SYCE1L: variants seen among roughly 807,000 people sequenced by gnomAD.
The protein encoded by SYCE1L is synaptonemal complex central element protein 1-like.
A neutral mutation model predicts 39.6 loss-of-function variants in SYCE1L; 51 were observed. The ratio of observed to expected loss-of-function variants is 1.29; its 90% CI spans 1.03 to 1.63. The LOEUF (loss-of-function observed/expected upper bound fraction) is 1.63, where lower values mean the gene tolerates loss of function less well. Among genes scored for constraint, SYCE1L ranks in the 40% most tolerant of loss-of-function variants. The pLI, the probability that SYCE1L is intolerant of heterozygous loss-of-function variation, is 0.00. For synonymous variants in SYCE1L, 147 were observed against 122.4 expected, an observed-to-expected ratio of 1.20 and a Z score of -1.33; for missense variants, 426 against 304.9, an observed-to-expected ratio of 1.40 and a Z score of -2.96.
At chr16:77,202,450 T>C (rs1008088577) in intron 1 of SYCE1L, 3 of 152,208 alleles carry the variant, frequency 2.0e-5, no homozygotes, top group African/African-American at 7.2e-5. Flanking sequence ...TGTGTGTGTG[T>C]CAAAATGTTA....
In SYCE1L at chr16:77,199,438, C is replaced by T. The variant is rs757888203; in HGVS notation, c.-14C>T. 3 of 1,551,444 alleles carry T rather than the reference C, an allele frequency of 1.9e-6. No homozygotes were observed. Among genetic ancestry groups the T allele is most frequent in the Middle Eastern group, 1.7e-4 (1 of 5,880 alleles). The stretch of plus-strand genomic sequence containing the variant: ...TCATCAAGCGAGGCTCGCGCGCAGG[C>T]CCCGCGTTGGAAAATGGCGGGGAAG... On this transcript the variant is annotated 5_prime_UTR_variant, in exon 1 of 11. Coordinates refer to ENST00000378644, the MANE Select transcript of SYCE1L (RefSeq NM_001129979.3).
At chr16:77,212,825 C>A (rs2142522938) in intron 10 of SYCE1L, 32 bp from the exon 11 acceptor site, 2 of 1,456,624 alleles carry the variant, frequency 1.4e-6, no homozygotes, top group African/African-American at 1.4e-5. Context: ...AGCGTAGGAA[C>A]CTGGTCCGCA....
chr16:77,199,466 G>C lies in SYCE1L; in HGVS notation c.15G>C (p.Leu5=). 1 of 1,551,490 alleles carries C rather than the reference G, an allele frequency of 6.4e-7. No individual in the cohort carries two copies. Among genetic ancestry groups the C allele is most frequent in the Non-Finnish European group, 8.7e-7 (1 of 1,146,966 alleles). Residue 5 remains leucine (L), a synonymous_variant, in exon 1 of 11, where the codon CTG becomes CTC. Transcript: ENST00000378644. MAGK[L]KPLNVEAPEA... ...CGCGTTGGAAAATGGCGGGGAAGCT[G>C]AAACCTCTGAATGTGGAGGCGCCAG...
At chr16:77,211,943 G>A (rs954421057) in intron 7 of SYCE1L, among the ~76,000 whole-genome samples, 187 bp from the exon 8 acceptor site, 1 of 152,154 alleles carries the variant, frequency 6.6e-6, no homozygotes, top group Non-Finnish European at 1.5e-5. Flanking sequence ...TGGAGACATG[G>A]AGAGCGTTTA....
chr16:77,200,279 T>TAC (rs2142508001), intron 1 of SYCE1L: 1 of 110,008 alleles, frequency 9.1e-6, no homozygotes, highest in African/African-American at 3.1e-5. Flanking sequence ...TATGTGTATA[T>TAC]ATATATATAT....
intron 4 of SYCE1L, 116 bp downstream of exon 4, chr16:77,208,655 T>C: frequency 9.6e-7 from 1 of 1,038,430 alleles, no homozygotes; most frequent in African/African-American, 1.6e-5. Context: ...ATAATCTGTA[T>C]TGCCTTTCAC....
chr16:77,208,473 A>G lies in SYCE1L; in HGVS notation c.190A>G (p.Lys64Glu). The change falls in exon 4 of 11, where the codon AAA (lysine) becomes GAA (glutamate). Residue 64 changes from lysine (K) to glutamate (E), a missense_variant. Lys to Glu is a moderately conservative substitution (Grantham distance 56). Coordinates refer to ENST00000378644, the MANE Select transcript of SYCE1L (RefSeq NM_001129979.3). ...TTCCCTTCTTGGCCCAGCAAAGAAG[A>G]AATCCAGTGAGGAACTGAGAGAGAC... ...RINDLQQAKK[K>E]SSEELRETHS... 1.3e-6 allele frequency: 2 copies of G among 1,551,726 alleles called. No individual in the cohort carries two copies. The highest frequency in any genetic ancestry group is 1.7e-6 in the Non-Finnish European group (2 of 1,147,010).
chr16:77,209,224 A>G (rs1424789878), intron 5 of SYCE1L, 80 bp downstream of exon 5: 6 of 1,486,488 alleles, frequency 4.0e-6, no homozygotes, highest in Admixed American at 2.0e-5. Context: ...AGCCAGAGGA[A>G]TCCCACTGAA....
intron 1 of SYCE1L, among the ~76,000 whole-genome samples, chr16:77,203,321 T>A (rs765827070): frequency 6.6e-6 from 1 of 152,156 alleles, no homozygotes; most frequent in Non-Finnish European, 1.5e-5. Context: ...TCTTCCACAT[T>A]TGTTTATCAT....
chr16:77,212,766 C>A, intron 10 of SYCE1L, 91 bp from the exon 11 acceptor site: 1 of 1,417,688 alleles, frequency 7.1e-7, no homozygotes, highest in Non-Finnish European at 9.2e-7. Flanking sequence ...GCCCCGGGGA[C>A]AGAGGAAGCC....
At chr16:77,210,104 C>A (rs543938354) in intron 6 of SYCE1L, among the ~76,000 whole-genome samples, 46 of 152,360 alleles carry the variant, frequency 3.0e-4, no homozygotes, top group African/African-American at 1.0e-3. Context: ...CTCCAGCCAG[C>A]AACTCACACA....
At chr16:77,200,746 C>CAAAAAAAAA (rs11344903) in intron 1 of SYCE1L, 3 of 84,820 alleles carry the variant, frequency 3.5e-5, no homozygotes, top group Non-Finnish European at 7.0e-5. Context: ...ACAGAGTGAG[C>CAAAAAAAAA]AAAAAAAAAA....
intron 1 of SYCE1L, chr16:77,200,291 T>TATATATACACACAC: frequency 9.0e-6 from 1 of 111,430 alleles, no homozygotes; most frequent in African/African-American, 3.4e-5. Context: ...TATATATATA[T>TATATATACACACAC]ACACACACTA....
chr16:77,202,885 CAT>C (rs1423222251), intron 1 of SYCE1L, among the ~76,000 whole-genome samples: 2 of 152,186 alleles, frequency 1.3e-5, no homozygotes, highest in Non-Finnish European at 2.9e-5. Context: ...TCTCTACTCT[CAT>C]GTGCATTTGA....
Position 77,211,219 on chromosome 16 carries a change from T to C in SYCE1L, c.366T>C (p.Asp122=). ...CCTGGGTGTCGGCCTCCAGGTTGGA[T>C]GTCAGAGGACAGCTGGAGGATCTGA... ...QEKESEAQRL[D]VRGQLEDLMG... The change falls in exon 7 of 11, where the codon GAT becomes GAC. Residue 122 remains aspartate (D), a synonymous_variant. Coordinates refer to ENST00000378644, the MANE Select transcript of SYCE1L (RefSeq NM_001129979.3). The C allele has an allele frequency of 6.4e-7, 1 of 1,551,946 alleles. No individual in the cohort carries two copies.
Position 77,205,433 on chromosome 16 carries a change from A to AATATATATATATATATATATGTATATAT in SYCE1L, c.62-992_62-991insATATGTATATATATATATATATATATAT, listed in dbSNP as rs145238524. ...TCATGTTAAAATATACATAGAAGTAAATATATATATATATATGTATACATA... is the reference window on the plus strand; with the variant it reads ...TCATGTTAAAATATACATAGAAGTAAATATATATATATATATATATGTATATATATATATATATATATATGTATACATA... On this transcript the variant is annotated intron_variant, in intron 1 of 10. Transcript: ENST00000378644. 4.1e-3 allele frequency among the ~76,000 whole-genome samples: 601 copies of AATATATATATATATATATATGTATATAT among 145,246 alleles called. 4 individuals carry two copies. Among genetic ancestry groups the AATATATATATATATATATATGTATATAT allele is most frequent in the South Asian group, 0.012 (56 of 4,624 alleles).
chr16:77,200,253 T>A (rs1003340977), intron 1 of SYCE1L: 3 of 97,546 alleles, frequency 3.1e-5, no homozygotes, highest in Non-Finnish European at 6.6e-5. Context: ...TATATGTATA[T>A]GTGTATATAT....
chr16:77,208,608 A>C, intron 4 of SYCE1L, 69 bp downstream of exon 4: 1 of 1,454,210 alleles, frequency 6.9e-7, no homozygotes, highest in South Asian at 1.2e-5. Context: ...GGGCCTTTGC[A>C]CAGGCTGCTC....
chr16:77,208,677 A>G (rs1267615822), intron 4 of SYCE1L, 138 bp downstream of exon 4: 2 of 865,880 alleles, frequency 2.3e-6, no homozygotes, highest in Non-Finnish European at 3.5e-6. Context: ...GTCTCATGTC[A>G]TCTTTCAGCT....
Sources: allele counts gnomAD v4.1 joint callset (sites outside exome capture counted in the v4.1 genomes callset), GRCh38; gene constraint gnomAD v4.1.1; transcripts MANE v1.5; gene names NCBI Gene and HGNC (gene_info 2026-07-23, HGNC 2026-07-21).